Variants in GRIP1 observed in about 807,000 individuals in gnomAD.
GRIP1 encodes glutamate receptor-interacting protein 1.
GRIP1 carries 45 observed loss-of-function variants against 129.9 expected under a neutral mutation model. The observed-to-expected ratio is 0.35, with a 90% confidence interval of 0.27 to 0.44. GRIP1 has a LOEUF of 0.44. Among genes scored for constraint, GRIP1 ranks in the 20% least tolerant of loss-of-function variants. The pLI is 1.00. For synonymous variants in GRIP1, 530 were observed against 520.8 expected, an observed-to-expected ratio of 1.02 and a Z score of -0.24; for missense variants, 1,196 against 1,396.8, an observed-to-expected ratio of 0.86 and a Z score of 2.29.
At chr12:66,564,265 ATCCC>A (rs1005602364) in intron 2 of GRIP1, 5 of 134,220 alleles carry the variant, frequency 3.7e-5, no homozygotes, top group Non-Finnish European at 6.4e-5. Context: ...TCCTAATGCT[ATCCC>A]TCCCCCCTCC....
intron 2 of GRIP1, among the ~76,000 whole-genome samples, chr12:66,550,618 C>T (rs1337587461): frequency 6.6e-6 from 1 of 152,104 alleles, no homozygotes; most frequent in Non-Finnish European, 1.5e-5. Flanking sequence ...AAACTCTGAC[C>T]TAGAAGATCA....
At position 66,818,301 on chromosome 12, in the gene GRIP1, AT is replaced by A. The variant is rs1426116874; in HGVS notation, c.59-221375del. Among the ~76,000 whole-genome samples, 4 of 152,214 alleles carry A rather than the reference AT, an allele frequency of 2.6e-5. No individual in the cohort carries two copies. In the South Asian group the frequency reaches 8.3e-4, roughly 31 times the overall value. On this transcript the variant is annotated intron_variant, in intron 1 of 1. Transcript: ENST00000643019. The stretch of plus-strand genomic sequence containing the variant: ...TCTCATCCAAAAAGTCAGTAAGTAT[AT>A]TAGGAAGCTGCCAAGTTCATAATGG...
chr12:66,348,533 G>C lies in GRIP1; in HGVS notation c.*486C>G, dbSNP rs1182498120. 3 of 174,664 alleles carry C rather than the reference G, an allele frequency of 1.7e-5. No individual in the cohort carries two copies. Among genetic ancestry groups the C allele is most frequent in the Non-Finnish European group, 3.7e-5 (3 of 81,078 alleles). 10.8% of individuals were successfully genotyped at this position (174,664 alleles called of 1,614,324 possible). A position where few individuals can be genotyped will look rare whatever the true frequency, so the allele number is the denominator to read the frequency against. On this transcript the variant is annotated 3_prime_UTR_variant, in exon 25 of 25. Transcript: ENST00000359742. The stretch of plus-strand genomic sequence containing the variant: ...TACCTGTACCCCTCCCATTGTGGTA[G>C]TCCCAGCAGTTTACCAAACACTAGT...
At chr12:66,989,958 C>G (rs2042369909) in intron 1 of GRIP1, among the ~76,000 whole-genome samples, 1 of 152,152 alleles carries the variant, frequency 6.6e-6, no homozygotes, top group African/African-American at 2.4e-5. Context: ...ATAGACAATT[C>G]AGTGTTGCTT....
intron 1 of GRIP1, among the ~76,000 whole-genome samples, chr12:66,911,611 C>T: frequency 6.6e-6 from 1 of 152,132 alleles, no homozygotes; most frequent in East Asian, 1.9e-4. Flanking sequence ...AAGAGCAGTT[C>T]CTGGTGCTCT....
At chr12:67,059,326 C>T (rs1466192127) in intron 1 of GRIP1, among the ~76,000 whole-genome samples, 4 of 152,192 alleles carry the variant, frequency 2.6e-5, no homozygotes, top group African/African-American at 9.7e-5. Flanking sequence ...CCAGGAAGTC[C>T]AAATGAGCTG....
chr12:66,372,106 A>G, intron 22 of GRIP1, 179 bp from the exon 23 acceptor site: 1 of 643,994 alleles, frequency 1.6e-6, no homozygotes, highest in Non-Finnish European at 2.8e-6. Flanking sequence ...ATGCTTTGCA[A>G]GTGACATTTA....
At chr12:66,773,416 G>A (rs187272267) in intron 1 of GRIP1, among the ~76,000 whole-genome samples, 268 of 152,238 alleles carry the variant, frequency 1.8e-3, no homozygotes, top group African/African-American at 5.9e-3. Flanking sequence ...GCCACACTGT[G>A]TGAAGCTGGA....
At chr12:67,022,133 C>A (rs528293252) in intron 1 of GRIP1, among the ~76,000 whole-genome samples, 2 of 152,288 alleles carry the variant, frequency 1.3e-5, no homozygotes, top group Non-Finnish European at 2.9e-5. Flanking sequence ...CTCTCATACG[C>A]TGATCTCTTC....
intron 1 of GRIP1, among the ~76,000 whole-genome samples, chr12:66,781,432 AT>A (rs1478699091): frequency 2.0e-5 from 3 of 152,222 alleles, no homozygotes; most frequent in Non-Finnish European, 4.4e-5. Flanking sequence ...GAATGACCAC[AT>A]AATTTATCAT....
intron 15 of GRIP1, among the ~76,000 whole-genome samples, chr12:66,411,849 T>C (rs2057414848): frequency 6.6e-6 from 1 of 152,184 alleles, no homozygotes; most frequent in Admixed American, 6.5e-5. Flanking sequence ...CAAGTGTCCA[T>C]AGCCAAATAG....
rs61925941 is a variant in GRIP1, at chr12:66,468,375, A to G, written c.725-2953T>C. ...TCAAGAGATTGAGAAAGAAACTTCT[A>G]TCGTATTTATGTGAGCATTGTGAGT... On this transcript the variant is annotated intron_variant, in intron 7 of 24. Transcript: ENST00000359742. Among the ~76,000 whole-genome samples the G allele has an allele frequency of 2.5e-3, 383 of 152,350 alleles. 2 individuals are homozygous for G. The highest frequency in any genetic ancestry group is 4.0e-3 in the Non-Finnish European group (275 of 68,034).
At chr12:67,029,971 C>A (rs774025248) in intron 1 of GRIP1, among the ~76,000 whole-genome samples, 1 of 149,628 alleles carries the variant, frequency 6.7e-6, no homozygotes. Flanking sequence ...AGGGCCAAGG[C>A]GGGTGGATCA....
chr12:66,546,473 G>A (rs750912998), intron 2 of GRIP1, among the ~76,000 whole-genome samples: 1 of 152,116 alleles, frequency 6.6e-6, no homozygotes, highest in Non-Finnish European at 1.5e-5. Context: ...CTGGGCGATA[G>A]AGTGATACCC....
At chr12:66,837,020 T>C (rs1335408567) in intron 1 of GRIP1, among the ~76,000 whole-genome samples, 2 of 152,218 alleles carry the variant, frequency 1.3e-5, no homozygotes, top group African/African-American at 4.8e-5. Flanking sequence ...CAAATGATAA[T>C]TGCTGTCAAA....
intron 1 of GRIP1, among the ~76,000 whole-genome samples, chr12:66,973,734 T>C (rs2042109346): frequency 6.6e-6 from 1 of 152,112 alleles, no homozygotes; most frequent in Admixed American, 6.6e-5. Context: ...AGGTACCATA[T>C]TGCCTTTACC....
At position 66,917,749 on chromosome 12, in the gene GRIP1, T is replaced by C. The variant is rs113017787; in HGVS notation, c.58+151301A>G. Among the ~76,000 whole-genome samples the C allele has an allele frequency of 3.2e-3, 482 of 152,296 alleles. 1 individual carries two copies. Among genetic ancestry groups the C allele is most frequent in the African/African-American group, 0.011 (458 of 41,578 alleles). On this transcript the variant is annotated intron_variant, in intron 1 of 1. Transcript: ENST00000643019. ...TTTAATTTCCTCTGTTTTCTCAGCA[T>C]CATTCTGTTTAAATCAGATATTCTA... is the stretch of plus-strand genomic sequence containing the variant.
upstream of GRIP1, among the ~76,000 whole-genome samples, chr12:66,683,116 T>G (rs935893889): frequency 1.3e-5 from 2 of 152,190 alleles, no homozygotes; most frequent in African/African-American, 4.8e-5. Context: ...CCGGGTATTT[T>G]AAAACTCAGT....
At chr12:66,563,366 C>CA (rs1262456886) in intron 2 of GRIP1, among the ~76,000 whole-genome samples, 2 of 152,056 alleles carry the variant, frequency 1.3e-5, no homozygotes, top group Non-Finnish European at 2.9e-5. Context: ...AAGGAGCAAT[C>CA]ATCTTGTTTT....
Sources: allele counts gnomAD v4.1 joint callset (sites outside exome capture counted in the v4.1 genomes callset), GRCh38; gene constraint gnomAD v4.1.1; transcripts MANE v1.5; gene names NCBI Gene and HGNC (gene_info 2026-07-23, HGNC 2026-07-21).